Variants in RIGI observed in about 807,000 individuals in gnomAD.
RIGI encodes the protein antiviral innate immune response receptor RIG-I.
the RIGI span, among the ~76,000 whole-genome samples, chr9:32,501,153 T>A: frequency 6.6e-6 from 1 of 151,988 alleles, no homozygotes; most frequent in East Asian, 1.9e-4. Flanking sequence ...TCTGGAAACC[T>A]ACAGTTTGGT....
chr9:32,516,346 CTT>C, the RIGI span, among the ~76,000 whole-genome samples: 5 of 152,212 alleles, frequency 3.3e-5, no homozygotes, highest in Non-Finnish European at 5.9e-5. Context: ...CCTGGCAATA[CTT>C]GTTGTCTCCC....
the RIGI span, among the ~76,000 whole-genome samples, chr9:32,495,393 G>C: frequency 9.2e-5 from 14 of 152,006 alleles, no homozygotes; most frequent in Non-Finnish European, 1.8e-4. Flanking sequence ...AGTAGAGATG[G>C]GGTTTCACCA....
chr9:32,506,672 G>C, the RIGI span, among the ~76,000 whole-genome samples: 1 of 152,142 alleles, frequency 6.6e-6, no homozygotes, highest in Non-Finnish European at 1.5e-5. Flanking sequence ...TTTTCCAGTA[G>C]ATAAAAATGC....
chr9:32,481,482 A>G, the RIGI span: 8 of 1,572,698 alleles, frequency 5.1e-6, no homozygotes, highest in Non-Finnish European at 6.9e-6. Context: ...CCTATTTTGA[A>G]TTTGAGATAA....
chr9:32,487,599 T>A, the RIGI span: 1 of 1,614,012 alleles, frequency 6.2e-7, no homozygotes, highest in Non-Finnish European at 8.5e-7. Flanking sequence ...GTTTTTGGCA[T>A]CCCCAACACC....
At chr9:32,506,472 A>C in the RIGI span, among the ~76,000 whole-genome samples, 3 of 152,250 alleles carry the variant, frequency 2.0e-5, no homozygotes, top group Non-Finnish European at 4.4e-5. Context: ...ACCTTTGGCC[A>C]GTGTCTTTTG....
the RIGI span, among the ~76,000 whole-genome samples, chr9:32,469,657 C>G: frequency 6.6e-6 from 1 of 152,188 alleles, no homozygotes; most frequent in African/African-American, 2.4e-5. Context: ...AGGATCTTGA[C>G]TAAGACAACC....
the RIGI span, among the ~76,000 whole-genome samples, chr9:32,504,395 C>T: frequency 6.6e-6 from 1 of 152,040 alleles, no homozygotes; most frequent in Non-Finnish European, 1.5e-5. Flanking sequence ...ATAGTTGTCA[C>T]AGCCCGGCAC....
the RIGI span, among the ~76,000 whole-genome samples, chr9:32,462,404 C>CTTTTT: frequency 3.8e-4 from 33 of 85,910 alleles, no homozygotes; most frequent in African/African-American, 7.2e-4. Flanking sequence ...TTAGATCTAG[C>CTTTTT]TTTTTTTTTT....
the RIGI span, among the ~76,000 whole-genome samples, chr9:32,498,097 T>C: frequency 6.6e-6 from 1 of 152,178 alleles, no homozygotes; most frequent in Non-Finnish European, 1.5e-5. Context: ...CCCCTCCCTT[T>C]AGCAGTTTCA....
chr9:32,488,078 A>C, the RIGI span: 1 of 1,614,058 alleles, frequency 6.2e-7, no homozygotes, highest in African/African-American at 1.3e-5. Context: ...TAGTGATGGA[A>C]TCGTTCCCTT....
the RIGI span, among the ~76,000 whole-genome samples, chr9:32,489,065 G>A: frequency 6.6e-6 from 1 of 152,088 alleles, no homozygotes; most frequent in African/African-American, 2.4e-5. Context: ...TGCTCCCTAA[G>A]TAGCATGCCA....
At chr9:32,470,816 T>C in the RIGI span, among the ~76,000 whole-genome samples, 8 of 152,358 alleles carry the variant, frequency 5.3e-5, no homozygotes, top group South Asian at 1.7e-3. Flanking sequence ...AGGAAGAGGA[T>C]CAGACCAGAA....
At chr9:32,471,304 G>A in the RIGI span, among the ~76,000 whole-genome samples, 2 of 152,216 alleles carry the variant, frequency 1.3e-5, no homozygotes, top group East Asian at 3.9e-4. Flanking sequence ...TATATTTCCA[G>A]CCCAAATCTT....
At chr9:32,483,130 C>T in the RIGI span, among the ~76,000 whole-genome samples, 1 of 152,118 alleles carries the variant, frequency 6.6e-6, no homozygotes, top group Non-Finnish European at 1.5e-5. Context: ...TCTCAAGCAG[C>T]TGAGTCTGTG....
the RIGI span, among the ~76,000 whole-genome samples, chr9:32,470,514 AT>A: frequency 2.0e-5 from 3 of 152,030 alleles, no homozygotes; most frequent in African/African-American, 4.8e-5. Context: ...TATTCTTTTG[AT>A]TTTTTTTCAA....
the RIGI span, among the ~76,000 whole-genome samples, chr9:32,508,703 G>GTT: frequency 6.7e-6 from 1 of 149,316 alleles, no homozygotes; most frequent in Non-Finnish European, 1.5e-5. Flanking sequence ...GCTAGCTGCA[G>GTT]TTTTTTTTTT....
the RIGI span, chr9:32,526,132 A>G: frequency 6.2e-7 from 1 of 1,613,132 alleles, no homozygotes. Flanking sequence ...ATAATCCTGG[A>G]AGGCTTGCAG....
At chr9:32,490,234 A>G in the RIGI span, among the ~76,000 whole-genome samples, 1 of 152,162 alleles carries the variant, frequency 6.6e-6, no homozygotes, top group Non-Finnish European at 1.5e-5. Flanking sequence ...AAAATTAACC[A>G]GATGTGGTGG....
Sources: gnomAD v4.1 joint callset for allele counts (sites outside exome capture counted in the v4.1 genomes callset) on GRCh38, gnomAD v4.1.1 for gene constraint, MANE v1.5 for transcripts, NCBI Gene and HGNC (gene_info 2026-07-23, HGNC 2026-07-21) for gene names.